Variants in UEVLD observed in about 807,000 individuals in gnomAD.
The protein encoded by UEVLD is ubiquitin-conjugating enzyme E2 variant 3.
A neutral mutation model predicts 58.6 loss-of-function variants in UEVLD; 47 were observed. The observed-to-expected ratio is 0.80, with a 90% CI of 0.63 to 1.02. The LOEUF is 1.02. UEVLD is among the 50% of genes least tolerant of loss of function. The pLI is 0.00. For missense variants in UEVLD, 510 were observed against 550.6 expected (o/e 0.93, Z 0.74); for synonymous variants, 197 against 195.3 (o/e 1.01, Z -0.07).
At chr11:18,544,480 T>TA (rs1454336869) in intron 9 of UEVLD, 143 bp downstream of exon 9, 1 of 846,524 alleles carries the variant, frequency 1.2e-6, no homozygotes, top group East Asian at 3.0e-5. Context: ...GCTAATTTTT[T>TA]ATCTTTTTGT....
At chr11:18,575,112 C>G (rs958259115) in intron 3 of UEVLD, among the ~76,000 whole-genome samples, 1 of 151,970 alleles carries the variant, frequency 6.6e-6, no homozygotes, top group Non-Finnish European at 1.5e-5. Context: ...TTTAAGAGAT[C>G]GAAGTTACGC....
chr11:18,583,515 G>A (rs777394091), intron 1 of UEVLD, among the ~76,000 whole-genome samples: 11 of 152,190 alleles, frequency 7.2e-5, no homozygotes, highest in Admixed American at 3.3e-4. Flanking sequence ...TACCACGCTC[G>A]GCCTAGAAGA....
chr11:18,558,280 T>A lies in UEVLD; in HGVS notation c.663A>T (p.Gly221=). ...VLLDLSEGTK[G]ATMDLEIFNL... is the part of the protein sequence containing the mutation. Reference sequence around the variant, plus strand: ...TGAAGATTTCAAGGTCCATCGTGGCTCCTTTAGTCCCTTCTGAGAGGTCTA... The same window carrying A: ...TGAAGATTTCAAGGTCCATCGTGGCACCTTTAGTCCCTTCTGAGAGGTCTA... The change falls in exon 7 of 12, where the codon GGA becomes GGT. Residue 221 remains glycine, a synonymous_variant. Transcript: ENST00000396197. 6.2e-7 allele frequency: 1 copy of A among 1,613,524 alleles called. No individual in the cohort carries two copies. Among genetic ancestry groups the A allele is most frequent in the African/African-American group, 1.3e-5 (1 of 75,060 alleles).
Position 18,575,356 on chromosome 11 carries a change from T to C in UEVLD, c.184A>G (p.Met62Val). The change falls in exon 3 of 12, where the codon ATG becomes GTG. Residue 62 changes from methionine to valine, a missense_variant. Transcript: ENST00000396197. ...LLNFTGTIPV[M>V]YQGNTYNIPI... ...CAACTTCCACACTTACCCTGATACA[T>C]CACAGGAATTGTGCCAGTAAAATTC... 1 of 1,607,926 alleles carries C rather than the reference T, an allele frequency of 6.2e-7. No individual in the cohort carries two copies. The highest frequency in any genetic ancestry group is 8.5e-7 in the Non-Finnish European group (1 of 1,178,592).
intron 9 of UEVLD, among the ~76,000 whole-genome samples, chr11:18,537,159 A>C (rs1314033712): frequency 6.6e-6 from 1 of 151,390 alleles, no homozygotes; most frequent in African/African-American, 2.4e-5. Flanking sequence ...TCGGCCTCCC[A>C]AAGTGCTAGG....
At chr11:18,586,914 C>T (rs1853593469) in intron 1 of UEVLD, among the ~76,000 whole-genome samples, 1 of 152,072 alleles carries the variant, frequency 6.6e-6, no homozygotes, top group Non-Finnish European at 1.5e-5. Flanking sequence ...CGCCTGTAGT[C>T]CCAGCTACTC....
chr11:18,554,166 A>G (rs1851652191), intron 7 of UEVLD, among the ~76,000 whole-genome samples: 1 of 151,952 alleles, frequency 6.6e-6, no homozygotes. Flanking sequence ...ATCTCGGCTC[A>G]ATGCAACCTC....
rs1414469914 is a variant in UEVLD, at chr11:18,530,555, T to G, written c.*1765A>C. ...ATTAACCTATTATATGCTTGCTTTA[T>G]TTTTATTTTTTTAGAGACAGGGTCT... On this transcript the variant is annotated 3_prime_UTR_variant, in exon 12 of 12. Coordinates refer to ENST00000396197, the MANE Select transcript of UEVLD (RefSeq NM_001040697.4). 1 of 152,156 alleles carries G rather than the reference T, an allele frequency of 6.6e-6. No individual in the cohort carries two copies. The highest frequency in any genetic ancestry group is 1.9e-4 in the East Asian group (1 of 5,196). The allele number at this position is 152,156 out of a possible 1,614,324, so 9.4% of individuals were successfully genotyped here.
At chr11:18,544,309 A>C (rs1851190795) in intron 9 of UEVLD, among the ~76,000 whole-genome samples, 1 of 152,046 alleles carries the variant, frequency 6.6e-6, no homozygotes, top group South Asian at 2.1e-4. Context: ...AACTAATAAT[A>C]ATGTACTTCT....
chr11:18,583,296 C>G (rs185233046), intron 1 of UEVLD, among the ~76,000 whole-genome samples: 120 of 149,568 alleles, frequency 8.0e-4, no homozygotes, highest in Non-Finnish European at 1.5e-3. Context: ...TCTTGGCTCA[C>G]TGCAACCTCC....
intron 2 of UEVLD, 40 bp downstream of exon 2, chr11:18,578,684 C>A: frequency 6.8e-7 from 1 of 1,471,312 alleles, no homozygotes; most frequent in South Asian, 1.2e-5. Context: ...ATTAGTAGTT[C>A]AAATAATGCA....
At chr11:18,534,525 G>A in intron 10 of UEVLD, 72 bp from the exon 11 acceptor site, 6 of 1,454,530 alleles carry the variant, frequency 4.1e-6, no homozygotes, top group Non-Finnish European at 5.5e-6. Context: ...TCTGGCTAAG[G>A]TATTAATTAG....
intron 11 of UEVLD, among the ~76,000 whole-genome samples, chr11:18,533,274 CCTAT>C (rs997969558): frequency 5.3e-5 from 8 of 151,730 alleles, no homozygotes; most frequent in Non-Finnish European, 1.2e-4. Flanking sequence ...AGAATTTATT[CCTAT>C]CTATTTTTGT....
At chr11:18,544,502 C>A in intron 9 of UEVLD, 121 bp downstream of exon 9, 1 of 1,023,762 alleles carries the variant, frequency 9.8e-7, no homozygotes, top group South Asian at 1.6e-5. Flanking sequence ...GAGATGGGGT[C>A]TTGCTATGTT....
At chr11:18,561,526 G>A (rs1852032554) in intron 6 of UEVLD, among the ~76,000 whole-genome samples, 1 of 149,610 alleles carries the variant, frequency 6.7e-6, no homozygotes, top group Non-Finnish European at 1.5e-5. Context: ...GAACCCGGGA[G>A]GCAGAGGTTG....
intron 4 of UEVLD, among the ~76,000 whole-genome samples, chr11:18,567,832 T>G (rs1024786593): frequency 2.0e-5 from 3 of 152,148 alleles, no homozygotes; most frequent in Non-Finnish European, 4.4e-5. Context: ...GCAATTTAAA[T>G]AATGTAATGT....
chr11:18,568,731 A>T (rs796577659), intron 4 of UEVLD, among the ~76,000 whole-genome samples: 3 of 152,232 alleles, frequency 2.0e-5, no homozygotes, highest in African/African-American at 7.2e-5. Context: ...CTATATAAAA[A>T]TATAGAAAAC....
chr11:18,538,126 G>T (rs973515549), intron 9 of UEVLD, among the ~76,000 whole-genome samples: 1 of 152,140 alleles, frequency 6.6e-6, no homozygotes, highest in Admixed American at 6.5e-5. Context: ...TAAGATACAA[G>T]AATTCTAAAC....
At chr11:18,564,034 G>GTGTAT (rs1194840823) in intron 6 of UEVLD, 3 of 311,500 alleles carry the variant, frequency 9.6e-6, no homozygotes, top group African/African-American at 6.7e-5. Context: ...AGAGGTGATA[G>GTGTAT]TGTATTCAAA....
Sources: gnomAD v4.1 joint callset for allele counts (sites outside exome capture counted in the v4.1 genomes callset) on GRCh38, gnomAD v4.1.1 for gene constraint, MANE v1.5 for transcripts, NCBI Gene and HGNC (gene_info 2026-07-23, HGNC 2026-07-21) for gene names.